PTPRU: variants seen among roughly 807,000 people sequenced by gnomAD.
PTPRU encodes the protein receptor-type tyrosine-protein phosphatase U.
A neutral mutation model predicts 166.3 loss-of-function variants in PTPRU; 69 were observed. That is an observed-to-expected ratio of 0.41 (90% CI 0.34 to 0.51). The LOEUF is 0.51. Among genes scored for constraint, PTPRU ranks in the 20% least tolerant of loss-of-function variants. The pLI is 0.09. For synonymous variants in PTPRU, 793 were observed against 814.0 expected, an observed-to-expected ratio of 0.97 and a Z score of 0.44; for missense variants, 1,657 against 2,013.7, an observed-to-expected ratio of 0.82 and a Z score of 3.39.
In PTPRU at chr1:29,292,039, C is replaced by G. The variant is rs1448750792; in HGVS notation, c.2476+13C>G. 6.2e-7 allele frequency: 1 copy of G among 1,612,818 alleles called. No individual in the cohort carries two copies. Among genetic ancestry groups the G allele is most frequent in the Non-Finnish European group, 8.5e-7 (1 of 1,179,296 alleles). ...TACAGCACCCGGGGTGAGTGCCCGG[C>G]CCTCCTACCCCTTCTTCATGGCTCT... is the stretch of plus-strand genomic sequence containing the variant. On this transcript the variant is annotated intron_variant, in intron 15 of 29. Transcript: ENST00000373779.
intron 15 of PTPRU, among the ~76,000 whole-genome samples, chr1:29,298,883 A>G (rs1687014959): frequency 1.3e-5 from 2 of 152,128 alleles, no homozygotes; most frequent in Admixed American, 1.3e-4. Context: ...TGCCATACGG[A>G]TATTCTAAGG....
At position 29,315,571 on chromosome 1, in the gene PTPRU, T is replaced by A; in HGVS notation, c.3363+64T>A. The A allele has an allele frequency of 3.1e-6, 5 of 1,603,496 alleles. No individual in the cohort carries two copies. The highest frequency in any genetic ancestry group is 4.3e-6 in the Non-Finnish European group (5 of 1,172,862). ...TAGGACTGGAGTTTCTCGTGAAGGA[T>A]CCTGGAGCCGGCAGAGCATGCCCAA... On this transcript the variant is annotated intron_variant, in intron 23 of 29. Coordinates refer to ENST00000373779, the MANE Select transcript of PTPRU (RefSeq NM_133178.4). This position sits in a 1 kb window ranked among gnomAD's most constrained non-coding sequence, Gnocchi z 4.5.
chr1:29,306,875 A>C (rs1239133094), intron 18 of PTPRU, among the ~76,000 whole-genome samples: 1 of 152,106 alleles, frequency 6.6e-6, no homozygotes, highest in Non-Finnish European at 1.5e-5. Context: ...AGCCTGGAAG[A>C]CTTGGGCAGC....
At chr1:29,273,902 T>C (rs1465848686) in intron 7 of PTPRU, among the ~76,000 whole-genome samples, 1 of 152,244 alleles carries the variant, frequency 6.6e-6, no homozygotes, top group Non-Finnish European at 1.5e-5. Flanking sequence ...GGATCCCAGC[T>C]TCACCACTTA....
intron 26 of PTPRU, among the ~76,000 whole-genome samples, chr1:29,321,867 T>TG (rs56267151): frequency 0.067 from 10,159 of 152,236 alleles, 508 homozygotes; most frequent in Non-Finnish European, 0.1. Context: ...GACCTCAGCC[T>TG]GGGGGCAGCC....
intron 15 of PTPRU, 32 bp downstream of exon 15, chr1:29,292,058 T>C (rs772580609): frequency 6.2e-7 from 1 of 1,611,140 alleles, no homozygotes; most frequent in East Asian, 2.2e-5. Flanking sequence ...CCCTTCTTCA[T>C]GGCTCTGGGG....
chr1:29,302,303 T>C (rs971557374), intron 15 of PTPRU, among the ~76,000 whole-genome samples: 14 of 152,142 alleles, frequency 9.2e-5, no homozygotes, highest in Non-Finnish European at 1.9e-4. Context: ...ATTACAAAAG[T>C]CAAAAAATTC....
intron 1 of PTPRU, among the ~76,000 whole-genome samples, chr1:29,250,901 A>G (rs898960693): frequency 4.6e-5 from 7 of 152,238 alleles, no homozygotes; most frequent in Non-Finnish European, 8.8e-5. Flanking sequence ...GGTCTGGCCC[A>G]GAGACACAGG....
chr1:29,314,620 C>G (rs991449778), intron 22 of PTPRU, among the ~76,000 whole-genome samples: 2 of 151,902 alleles, frequency 1.3e-5, no homozygotes, highest in African/African-American at 4.8e-5. Flanking sequence ...TTCTGTCATC[C>G]AGGCTGGAGT....
intron 7 of PTPRU, among the ~76,000 whole-genome samples, chr1:29,262,330 T>C (rs1685104633): frequency 6.6e-6 from 1 of 152,250 alleles, no homozygotes; most frequent in African/African-American, 2.4e-5. Flanking sequence ...CCACATCTCA[T>C]ACAATTCAAT....
In PTPRU at chr1:29,292,068, G is replaced by A. The variant is rs200290457; in HGVS notation, c.2476+42G>A. The A allele has an allele frequency of 1.2e-3, 1,907 of 1,606,488 alleles. 3 individuals are homozygous for A. Among genetic ancestry groups the A allele is most frequent in the Non-Finnish European group, 1.5e-3 (1,757 of 1,175,524 alleles). ...CCTACCCCTTCTTCATGGCTCTGGG[G>A]CTCCCAACCTGAGACAATAGGGTCC... On this transcript the variant is annotated intron_variant, in intron 15 of 29. Coordinates refer to ENST00000373779, the MANE Select transcript of PTPRU (RefSeq NM_133178.4).
At chr1:29,273,261 A>G (rs1267939871) in intron 7 of PTPRU, among the ~76,000 whole-genome samples, 4 of 151,942 alleles carry the variant, frequency 2.6e-5, no homozygotes, top group Admixed American at 1.3e-4. Flanking sequence ...AGAAGCCTTG[A>G]CTTTTCTTTT....
At chr1:29,272,906 CAAAAAAA>C (rs57076551) in intron 7 of PTPRU, among the ~76,000 whole-genome samples, 1 of 54,666 alleles carries the variant, frequency 1.8e-5, no homozygotes, top group East Asian at 4.1e-4. Flanking sequence ...GACCTTGTCT[CAAAAAAA>C]AAAAAAAAAA....
chr1:29,308,866 C>G (rs369706375), intron 18 of PTPRU, among the ~76,000 whole-genome samples: 80 of 151,778 alleles, frequency 5.3e-4, no homozygotes, highest in African/African-American at 1.9e-3. Context: ...TACAAACAAA[C>G]CAACAAACAA....
rs1683899886 is a variant in PTPRU at position 29,238,667 on chromosome 1, A to C, written c.73+1950A>C. The stretch of plus-strand genomic sequence containing the variant: ...CTCCCCGTTCCCGAAAGGACGCCCA[A>C]GGCGACCTCCCACCCCATCCTCCCC... On this transcript the variant is annotated intron_variant, in intron 1 of 29. Transcript: ENST00000373779. The surrounding 1 kb of genome is among the most constrained non-coding windows in gnomAD (Gnocchi z 6.1). Among the ~76,000 whole-genome samples, 1 of 152,156 alleles carries C rather than the reference A, an allele frequency of 6.6e-6. No homozygotes were observed. Among genetic ancestry groups the C allele is most frequent in the Non-Finnish European group, 1.5e-5 (1 of 68,016 alleles).
In PTPRU at chr1:29,260,227, A is replaced by G; in HGVS notation, c.850+183A>G. On this transcript the variant is annotated intron_variant, in intron 6 of 29. Transcript: ENST00000373779. This position sits in a 1 kb window ranked among gnomAD's most constrained non-coding sequence, Gnocchi z 8.3. ...GCCCAGCCGGGATGAGATCTGATCTAGGGGTCGGGGCTGGCTTCGAGGGGG... is the reference window on the plus strand; with the variant it reads ...GCCCAGCCGGGATGAGATCTGATCTGGGGGTCGGGGCTGGCTTCGAGGGGG... 5.8e-6 allele frequency: 4 copies of G among 691,950 alleles called. No individual in the cohort carries two copies. The highest frequency in any genetic ancestry group is 4.3e-6 in the Non-Finnish European group (2 of 470,194). 42.9% of individuals were successfully genotyped at this position (691,950 alleles called of 1,614,324 possible).
At chr1:29,283,850 C>A in intron 12 of PTPRU, 90 bp from the exon 13 acceptor site, 1 of 1,479,826 alleles carries the variant, frequency 6.8e-7, no homozygotes, top group Non-Finnish European at 9.4e-7. Context: ...AAGCCCTGAA[C>A]AGGCCCAAGA....
chr1:29,317,264 G>A lies in PTPRU; in HGVS notation c.3514-484G>A, dbSNP rs1380500064. 6.6e-6 allele frequency among the ~76,000 whole-genome samples: 1 copy of A among 152,122 alleles called. No individual in the cohort carries two copies. The highest frequency in any genetic ancestry group is 1.5e-5 in the Non-Finnish European group (1 of 68,010). On this transcript the variant is annotated intron_variant, in intron 24 of 29. Transcript: ENST00000373779. The surrounding 1 kb of genome is among the most constrained non-coding windows in gnomAD (Gnocchi z 5.6). ...GACTTCATTCTGTTCAGACAGGGCCGTGACCAAGGAACGTGACCCCCTCTC... is the reference window on the plus strand; with the variant it reads ...GACTTCATTCTGTTCAGACAGGGCCATGACCAAGGAACGTGACCCCCTCTC...
At chr1:29,285,125 G>A (rs1686282219) in intron 14 of PTPRU, among the ~76,000 whole-genome samples, 2 of 152,172 alleles carry the variant, frequency 1.3e-5, no homozygotes, top group Admixed American at 1.3e-4. Flanking sequence ...TCCAGGGAGG[G>A]GTGCTCAGTG....
Sources: gnomAD v4.1 joint callset for allele counts (sites outside exome capture counted in the v4.1 genomes callset) on GRCh38, gnomAD v4.1.1 for gene constraint, Gnocchi (gnomAD v3.1) non-coding constraint, MANE v1.5 for transcripts, NCBI Gene and HGNC (gene_info 2026-07-23, HGNC 2026-07-21) for gene names.